SIGLEC8: variants seen among roughly 807,000 people sequenced by gnomAD.
SIGLEC8 encodes sialic acid binding Ig like lectin 8, also known as sialic acid-binding Ig-like lectin 8.
A neutral mutation model predicts 42.1 loss-of-function variants in SIGLEC8; 32 were observed. The ratio of observed to expected loss-of-function variants is 0.76; its 90% confidence interval spans 0.57 to 1.02. SIGLEC8 has a LOEUF of 1.02. SIGLEC8 is among the 50% of genes least tolerant of loss of function. SIGLEC8 has a pLI of 0.00. For synonymous variants in SIGLEC8, 262 were observed against 260.3 expected (o/e 1.01, Z -0.06); for missense variants, 611 against 610.2 (o/e 1.00, Z -0.01).
chr19:51,453,096 GT>G (rs111880445), intron 6 of SIGLEC8, among the ~76,000 whole-genome samples: 1 of 149,440 alleles, frequency 6.7e-6, no homozygotes, highest in African/African-American at 2.5e-5. Context: ...TTGTTTTTTG[GT>G]TTTTTTTTTG....
chr19:51,456,804 C>T (rs1018198032), intron 3 of SIGLEC8, among the ~76,000 whole-genome samples: 19 of 152,024 alleles, frequency 1.2e-4, no homozygotes, highest in African/African-American at 4.1e-4. Flanking sequence ...GTACTTAGAT[C>T]GAAACTACTG....
At chr19:51,453,694 C>T (rs987904853) in intron 6 of SIGLEC8, 5 of 951,358 alleles carry the variant, frequency 5.3e-6, no homozygotes, top group Admixed American at 6.2e-5. Context: ...GATTCTGCCT[C>T]GAGAAAAAAA....
chr19:51,453,611 C>A lies in SIGLEC8; in HGVS notation c.1245+608G>T, dbSNP rs1264417940. On this transcript the variant is annotated intron_variant, in intron 6 of 6. Transcript: ENST00000321424. Reference sequence around the variant, plus strand: ...TTGGGAGGCTGAGGCAGGAGAATTGCTTGAACCTGGGAGGCAGAGGTTGCA... The same window carrying A: ...TTGGGAGGCTGAGGCAGGAGAATTGATTGAACCTGGGAGGCAGAGGTTGCA... The A allele has an allele frequency of 6.3e-6, 3 of 473,638 alleles. No homozygotes were observed. In the African/African-American group the frequency reaches 6.4e-5, roughly 10 times the overall value. The allele number at this position is 473,638 out of a possible 1,614,324, so 29.3% of individuals were successfully genotyped here.
At position 51,452,115 on chromosome 19, in the gene SIGLEC8, C is replaced by A. The variant is rs183211066; in HGVS notation, c.*264G>T. ...TGTCATTTGAGAGAACATGGATGAA[C>A]CTAGGGGATATTTTTTTGTGTAAAA... On this transcript the variant is annotated 3_prime_UTR_variant, in exon 7 of 7. Coordinates refer to ENST00000321424, the MANE Select transcript of SIGLEC8 (RefSeq NM_014442.3). 388 of 342,930 alleles carry A rather than the reference C, an allele frequency of 1.1e-3. 2 individuals carry two copies. Among genetic ancestry groups the A allele is most frequent in the African/African-American group, 7.5e-3 (361 of 47,834 alleles). 21.2% of individuals were successfully genotyped at this position (342,930 alleles called of 1,614,324 possible).
At chr19:51,455,049 T>C (rs1989455974) in intron 4 of SIGLEC8, among the ~76,000 whole-genome samples, 1 of 152,248 alleles carries the variant, frequency 6.6e-6, no homozygotes, top group South Asian at 2.1e-4. Context: ...CAAAAGATCA[T>C]GGCATTGCAA....
chr19:51,455,328 G>A, intron 4 of SIGLEC8, 90 bp downstream of exon 4: 1 of 1,493,290 alleles, frequency 6.7e-7, no homozygotes, highest in Non-Finnish European at 9.1e-7. Context: ...ACAGACCAGA[G>A]CTGAGCTCCC....
At chr19:51,457,120 A>G in intron 3 of SIGLEC8, 64 bp downstream of exon 3, 1 of 1,392,956 alleles carries the variant, frequency 7.2e-7, no homozygotes, top group Non-Finnish European at 1.0e-6. Context: ...ATGAGGAGAG[A>G]CCCAGCCCCA....
chr19:51,452,290 T>G lies in SIGLEC8; in HGVS notation c.*89A>C. ...CTGGTAGCCGGGGAAAGGGGAGACA[T>G]TGGTCCAAGTTTTGGTTAGACAGGA... On this transcript the variant is annotated 3_prime_UTR_variant, in exon 7 of 7. Coordinates refer to ENST00000321424, the MANE Select transcript of SIGLEC8 (RefSeq NM_014442.3). The G allele has an allele frequency of 8.6e-7, 1 of 1,160,050 alleles. No homozygotes were observed. The highest frequency in any genetic ancestry group is 1.2e-6 in the Non-Finnish European group (1 of 824,816). 71.9% of individuals were successfully genotyped at this position (1,160,050 alleles called of 1,614,324 possible). A position where few individuals can be genotyped will look rare whatever the true frequency, so the allele number is the denominator to read the frequency against.
Position 51,457,951 on chromosome 19 carries a change from A to C in SIGLEC8, c.437T>G (p.Leu146Arg). 3.7e-6 allele frequency: 6 copies of C among 1,614,034 alleles called. No individual in the cohort carries two copies. The highest frequency in any genetic ancestry group is 5.1e-6 in the Non-Finnish European group (6 of 1,179,966). ...TGCCTTACCTGTCACAAACACAGAC[A>C]GCTGCTTAGTTTTGTAATTCAACTG... ...KSQLNYKTKQ[L>R]SVFVTALTHR... is the part of the protein sequence containing the mutation. The change falls in exon 1 of 7, where the codon CTG (leucine) becomes CGG (arginine). Residue 146 changes from leucine to arginine, a missense_variant. By Grantham distance (102) the Leu-to-Arg change is moderately radical (BLOSUM62 -2). Transcript: ENST00000321424.
chr19:51,457,667 G>C lies in SIGLEC8; in HGVS notation c.527C>G (p.Ser176Cys), dbSNP rs1261768515. ...ESGHSRNLTC[S>C]VPWACKQGTP... Reference sequence around the variant, plus strand: ...CCCCTGCTTACAGGCCCAGGGCACAGAGCAGGTCAGGTTCCTGGAGTGGCC... The same window carrying C: ...CCCCTGCTTACAGGCCCAGGGCACACAGCAGGTCAGGTTCCTGGAGTGGCC... Residue 176 changes from serine (S) to cysteine (C), a missense_variant, in exon 2 of 7, where the codon TCT becomes TGT. Transcript: ENST00000321424. The C allele has an allele frequency of 3.1e-6, 5 of 1,610,244 alleles. No homozygotes were observed. In the Admixed American group the frequency reaches 5.0e-5, roughly 16 times the overall value.
rs780467382 is a variant in SIGLEC8 at position 51,452,420 on chromosome 19, A to T, written c.1459T>A (p.Leu487Met). The T allele has an allele frequency of 8.7e-6, 14 of 1,609,812 alleles. No homozygotes were observed. The highest frequency in any genetic ancestry group is 1.1e-5 in the South Asian group (1 of 90,934). The change falls in exon 7 of 7, where the codon TTG becomes ATG. Residue 487 changes from leucine to methionine, a missense_variant. Transcript: ENST00000321424. ...KRETAETQAC[L>M]RNHNPSSKEV... ...TTGCTGGAGGGGTTGTGATTCCTCA[A>T]ACAGGCCTGAGTCTCTGCAGTTTCT... is the stretch of plus-strand genomic sequence containing the variant.
At position 51,452,305 on chromosome 19, in the gene SIGLEC8, G is replaced by C; in HGVS notation, c.*74C>G. 7.4e-7 allele frequency: 1 copy of C among 1,359,800 alleles called. No individual in the cohort carries two copies. The highest frequency in any genetic ancestry group is 1.5e-5 in the African/African-American group (1 of 68,768). The allele number at this position is 1,359,800 out of a possible 1,614,324, so 84.2% of individuals were successfully genotyped here. A position where few individuals can be genotyped will look rare whatever the true frequency, so the allele number is the denominator to read the frequency against. Reference sequence around the variant, plus strand: ...AGGGGAGACATTGGTCCAAGTTTTGGTTAGACAGGAGGAGGGAGCCCTGGT... The same window carrying C: ...AGGGGAGACATTGGTCCAAGTTTTGCTTAGACAGGAGGAGGGAGCCCTGGT... On this transcript the variant is annotated 3_prime_UTR_variant, in exon 7 of 7. Transcript: ENST00000321424.
At chr19:51,453,957 A>T in intron 6 of SIGLEC8, 1 of 985,044 alleles carries the variant, frequency 1.0e-6, no homozygotes, top group Non-Finnish European at 1.2e-6. Context: ...AAAATGGAGG[A>T]GAGATGGTGA....
At position 51,457,689 on chromosome 19, in the gene SIGLEC8, G is replaced by T; in HGVS notation, c.505C>A (p.His169Asn). Reference protein sequence around the residue: ...ILILGTLESGHSRNLTCSVPW... With the variant: ...ILILGTLESGNSRNLTCSVPW... ...ACAGAGCAGGTCAGGTTCCTGGAGT[G>T]GCCAGACTCTAGGGTCCCTAGGATG... Residue 169 changes from histidine (H) to asparagine (N), a missense_variant, in exon 2 of 7, where the codon CAC becomes AAC. Physicochemically the swap from His to Asn is moderately conservative, Grantham distance 68 (BLOSUM62 1). Coordinates refer to ENST00000321424, the MANE Select transcript of SIGLEC8 (RefSeq NM_014442.3). 2 of 1,605,078 alleles carry T rather than the reference G, an allele frequency of 1.2e-6. No homozygotes were observed. Among genetic ancestry groups the T allele is most frequent in the African/African-American group, 2.7e-5 (2 of 74,838 alleles).
In SIGLEC8 at chr19:51,454,453, C is replaced by A; in HGVS notation, c.1149-138G>T. ...CGGCGGTGGTCCAGTTCCAGAGACC[C>A]CAACGGTGAAAACAGAGGCTCCTGC... On this transcript the variant is annotated intron_variant, in intron 5 of 6. Coordinates refer to ENST00000321424, the MANE Select transcript of SIGLEC8 (RefSeq NM_014442.3). The surrounding 1 kb of genome is among the most constrained non-coding windows in gnomAD (Gnocchi z 4.7). The A allele has an allele frequency of 6.7e-7, 1 of 1,501,262 alleles. No individual in the cohort carries two copies. The highest frequency in any genetic ancestry group is 2.3e-5 in the East Asian group (1 of 42,836). 93.0% of individuals were successfully genotyped at this position (1,501,262 alleles called of 1,614,324 possible).
Position 51,455,583 on chromosome 19 carries a change from T to C in SIGLEC8, c.886A>G (p.Thr296Ala), listed in dbSNP as rs368651444. The change falls in exon 4 of 7, where the codon ACC (threonine) becomes GCC (alanine). Residue 296 changes from threonine (T) to alanine (A), a missense_variant. By Grantham distance (58) the Thr-to-Ala change is moderately conservative. Coordinates refer to ENST00000321424, the MANE Select transcript of SIGLEC8 (RefSeq NM_014442.3). ...GGGCACAGGGTCAGGCTCCCCCGGGTCCAGCTCAGCCTGGCAGGGGGATTG... is the reference window on the plus strand; with the variant it reads ...GGGCACAGGGTCAGGCTCCCCCGGGCCCAGCTCAGCCTGGCAGGGGGATTG... ...NSNPPARLSW[T>A]RGSLTLCPSR... is the part of the protein sequence containing the mutation. 10 of 1,613,886 alleles carry C rather than the reference T, an allele frequency of 6.2e-6. No homozygotes were observed. The African/African-American group carries it at 1.3e-4, about 22-fold the overall frequency.
At chr19:51,453,124 T>C (rs1307514695) in intron 6 of SIGLEC8, among the ~76,000 whole-genome samples, 4 of 151,986 alleles carry the variant, frequency 2.6e-5, no homozygotes. Flanking sequence ...AGTCTGGCTC[T>C]GTTGCCCAGG....
intron 4 of SIGLEC8, 79 bp downstream of exon 4, chr19:51,455,339 C>G: frequency 6.4e-7 from 1 of 1,550,718 alleles, no homozygotes; most frequent in South Asian, 1.2e-5. Flanking sequence ...CTGAGCTCCC[C>G]CTTGAAGCTC....
At chr19:51,457,876 C>T (rs1398738923) in intron 1 of SIGLEC8, 58 bp downstream of exon 1, 1 of 1,585,516 alleles carries the variant, frequency 6.3e-7, no homozygotes, top group African/African-American at 1.3e-5. Flanking sequence ...CATCCCAGCC[C>T]TGCCTTTCAG....
Sources: gnomAD v4.1 joint callset for allele counts (sites outside exome capture counted in the v4.1 genomes callset) on GRCh38, gnomAD v4.1.1 for gene constraint, Gnocchi (gnomAD v3.1) non-coding constraint, MANE v1.5 for transcripts, NCBI Gene and HGNC (gene_info 2026-07-23, HGNC 2026-07-21) for gene names.